The following ANK3 variants were observed in gnomAD, a reference collection of about 807,000 sequenced individuals.
ANK3 encodes the protein ankyrin-3.
A neutral mutation model predicts 370.9 loss-of-function variants in ANK3; 57 were observed. The observed-to-expected ratio is 0.15, with a 90% confidence interval of 0.12 to 0.19. The LOEUF is 0.19. Ranked by LOEUF, ANK3 falls within the 10% of genes least tolerant of loss-of-function variation. The pLI, the probability that ANK3 is intolerant of heterozygous loss-of-function variation, is 1.00. For missense variants in ANK3, 4,439 were observed against 5,302.1 expected, an observed-to-expected ratio of 0.84 and a Z score of 5.06; for synonymous variants, 1,929 against 1,946.3, an observed-to-expected ratio of 0.99 and a Z score of 0.23.
chr10:60,326,044 G>T (rs2049777633), intron 1 of ANK3, among the ~76,000 whole-genome samples: 1 of 152,074 alleles, frequency 6.6e-6, no homozygotes, highest in Non-Finnish European at 1.5e-5. Context: ...ACCAAATACT[G>T]CATGTTCTCA....
rs1420046580 is a variant in ANK3 at position 60,363,975 on chromosome 10, T to G, written c.114+25450A>C. 7.6e-3 allele frequency among the ~76,000 whole-genome samples: 1,089 copies of G among 143,232 alleles called. 8 individuals carry two copies. Among genetic ancestry groups the G allele is most frequent in the East Asian group, 0.011 (54 of 5,038 alleles). 94.0% of individuals were successfully genotyped at this position (143,232 alleles called of 152,430 possible). A position where few individuals can be genotyped will look rare whatever the true frequency, so the allele number is the denominator to read the frequency against. On this transcript the variant is annotated intron_variant, in intron 1 of 43. Coordinates refer to ENST00000280772, the MANE Select transcript of ANK3 (RefSeq NM_020987.5). ...AAAAAAGAGGAAGGAGAAGTGTTTT[T>G]TTTTTTTTTTTTTTTTTTTAACTTT...
At chr10:60,269,474 T>C (rs915004770) in intron 5 of ANK3, among the ~76,000 whole-genome samples, 2 of 152,034 alleles carry the variant, frequency 1.3e-5, no homozygotes, top group African/African-American at 4.8e-5. Context: ...TGAAACCCTG[T>C]CTCTACTAAA....
chr10:60,520,284 G>C (rs1043893586), intron 2 of ANK3, among the ~76,000 whole-genome samples: 2 of 152,054 alleles, frequency 1.3e-5, no homozygotes, highest in African/African-American at 4.8e-5. Context: ...GACGAAGGAG[G>C]GAGGAAATCA....
chr10:60,134,937 C>T (rs73261168), intron 24 of ANK3, among the ~76,000 whole-genome samples: 2,135 of 152,262 alleles, frequency 0.014, 52 homozygotes, highest in African/African-American at 0.048. Flanking sequence ...ATTCATATTC[C>T]CTGCATGGTT....
chr10:60,487,842 G>A (rs1366103798), intron 2 of ANK3, among the ~76,000 whole-genome samples: 1 of 151,814 alleles, frequency 6.6e-6, no homozygotes, highest in Admixed American at 6.6e-5. Flanking sequence ...AGCCGCCCGA[G>A]TAGCTGGGAC....
At chr10:60,465,264 CA>C (rs71973539) in intron 2 of ANK3, among the ~76,000 whole-genome samples, 48,756 of 138,908 alleles carry the variant, frequency 0.35, 7,927 homozygotes, top group East Asian at 0.52. Context: ...ACCTAGTCAC[CA>C]AAAAAAAAAA....
chr10:60,688,334 G>C (rs12255966), intron 1 of ANK3, among the ~76,000 whole-genome samples: 50,682 of 151,978 alleles, frequency 0.33, 8,646 homozygotes, highest in African/African-American at 0.37. Flanking sequence ...CCAAAGTTCT[G>C]AGATTACAGG....
chr10:60,600,921 C>G (rs1437749388), intron 2 of ANK3, among the ~76,000 whole-genome samples: 1 of 151,970 alleles, frequency 6.6e-6, no homozygotes, highest in Non-Finnish European at 1.5e-5. Flanking sequence ...ATTCAGCTAT[C>G]TACACAAAGC....
chr10:60,069,564 C>T lies in ANK3; in HGVS notation c.11317G>A (p.Val3773Ile), dbSNP rs201931482. 104 of 1,613,454 alleles carry T rather than the reference C, an allele frequency of 6.4e-5. No individual in the cohort carries two copies. The highest frequency in any genetic ancestry group is 8.0e-5 in the African/African-American group (6 of 74,840). ...AAATCATGTTTTTCATGGGGCCTAA[C>T]GCCCATCTGGCTATTGGCTGTATTT... ...ISNTANSQMG[V>I]RPHEKHDFQK... The change falls in exon 37 of 44, where the codon GTT becomes ATT. Residue 3773 changes from valine (V) to isoleucine (I), a missense_variant. This residue lies in a region of ANK3 where 496 missense variants were observed against 529.3 expected (regional missense o/e 0.94). Transcript: ENST00000280772.
chr10:60,702,748 A>C (rs1188508336), intron 1 of ANK3, among the ~76,000 whole-genome samples: 3 of 152,238 alleles, frequency 2.0e-5, no homozygotes, highest in Non-Finnish European at 4.4e-5. Context: ...TCAGAATATC[A>C]TCATTTTGTA....
At chr10:60,314,340 T>A (rs1456807659) in intron 1 of ANK3, among the ~76,000 whole-genome samples, 1 of 152,198 alleles carries the variant, frequency 6.6e-6, no homozygotes, top group African/African-American at 2.4e-5. Context: ...TCATTGTTAT[T>A]CATTTTATAA....
At chr10:60,312,184 T>C (rs2132851204) in intron 1 of ANK3, among the ~76,000 whole-genome samples, 1 of 152,344 alleles carries the variant, frequency 6.6e-6, no homozygotes, top group South Asian at 2.1e-4. Context: ...AAATGAGTTC[T>C]GGAAGAATTC....
intron 1 of ANK3, among the ~76,000 whole-genome samples, chr10:60,283,887 T>A (rs2098203203): frequency 6.6e-6 from 1 of 152,202 alleles, no homozygotes; most frequent in Non-Finnish European, 1.5e-5. Context: ...TCACTTAATA[T>A]GTATTAATTT....
chr10:60,082,156 A>C lies in ANK3; in HGVS notation c.4344T>G (p.Asp1448Glu). ...AHKKETESDQ[D>E]DEIEKTDRRQ... ...GCAGAAGTGTTTATATTACCTCATC[A>C]TCTTGATCTGACTCTGTCTCCTTTT... The change falls in exon 35 of 44, where the codon GAT becomes GAG. Residue 1448 changes from aspartate (D) to glutamate (E), a missense_variant. Transcript: ENST00000280772. 1 of 1,610,680 alleles carries C rather than the reference A, an allele frequency of 6.2e-7. No individual in the cohort carries two copies.
chr10:60,347,243 T>G (rs554407267), intron 1 of ANK3, among the ~76,000 whole-genome samples: 2 of 152,014 alleles, frequency 1.3e-5, no homozygotes, highest in African/African-American at 2.4e-5. Flanking sequence ...GCTTAGTCTC[T>G]TTACCAAACC....
At chr10:60,395,429 G>A (rs760968471) in intron 2 of ANK3, among the ~76,000 whole-genome samples, 13 of 152,170 alleles carry the variant, frequency 8.5e-5, no homozygotes, top group Middle Eastern at 3.4e-3. Flanking sequence ...GACAGCACTC[G>A]TCTACATAAA....
chr10:60,687,831 T>C (rs1264387308), intron 1 of ANK3, among the ~76,000 whole-genome samples: 2 of 152,164 alleles, frequency 1.3e-5, no homozygotes. Context: ...CATTGACAGA[T>C]AAATAAAGAC....
chr10:60,175,765 G>A (rs928707804), intron 18 of ANK3, among the ~76,000 whole-genome samples: 2 of 152,236 alleles, frequency 1.3e-5, no homozygotes, highest in African/African-American at 4.8e-5. Context: ...CTCAGAGGCA[G>A]ACTGGGTTTG....
chr10:60,052,630 T>G (rs1429739984), intron 42 of ANK3, among the ~76,000 whole-genome samples: 2 of 152,292 alleles, frequency 1.3e-5, no homozygotes, highest in African/African-American at 4.8e-5. Flanking sequence ...AGTTCATAAT[T>G]TGAAGGGGAA....
Sources: gnomAD v4.1 joint callset for allele counts (sites outside exome capture counted in the v4.1 genomes callset) on GRCh38, gnomAD v4.1.1 for gene constraint, gnomAD v4.1.1 regional missense constraint, MANE v1.5 for transcripts, NCBI Gene and HGNC (gene_info 2026-07-23, HGNC 2026-07-21) for gene names.